The following ABCB5 variants were observed in gnomAD, a reference collection of about 807,000 sequenced individuals.
ABCB5 encodes the protein ATP binding cassette subfamily B member 5.
In ABCB5, 155 loss-of-function variants were observed where a neutral mutation model predicts 144.2. The observed-to-expected ratio is 1.08, with a 90% CI of 0.94 to 1.23. The LOEUF (loss-of-function observed/expected upper bound fraction) is 1.23. ABCB5 is among the 50% of genes most tolerant of loss of function. The pLI, the probability that ABCB5 is intolerant of heterozygous loss-of-function variation, is 0.00. For missense variants in ABCB5, 1,830 were observed against 1,520.8 expected (o/e 1.20, Z -3.38); for synonymous variants, 610 against 528.6 (o/e 1.15, Z -2.11).
chr7:20,754,589 T>G (rs1783027719), intron 27 of ABCB5, among the ~76,000 whole-genome samples: 1 of 152,242 alleles, frequency 6.6e-6, no homozygotes, highest in African/African-American at 2.4e-5. Flanking sequence ...ATAACCTCAC[T>G]GTTGGCTGAA....
At chr7:20,723,265 ACAGT>A (rs1486435601) in intron 21 of ABCB5, 46 bp downstream of exon 21, 8 of 1,570,592 alleles carry the variant, frequency 5.1e-6, no homozygotes, top group South Asian at 2.2e-5. Flanking sequence ...AAAGAGAAAA[ACAGT>A]CAGAACTTTA....
chr7:20,646,187 A>T, intron 9 of ABCB5, 49 bp downstream of exon 9: 1 of 1,544,926 alleles, frequency 6.5e-7, no homozygotes, highest in Non-Finnish European at 8.7e-7. Context: ...ATCTTTCCTT[A>T]CCTAGTTTAG....
chr7:20,617,064 CCT>C (rs1783702001), intron 1 of ABCB5, among the ~76,000 whole-genome samples: 1 of 152,042 alleles, frequency 6.6e-6, no homozygotes, highest in African/African-American at 2.4e-5. Flanking sequence ...ATAAAATTAC[CCT>C]GTTTTAATTA....
intron 14 of ABCB5, among the ~76,000 whole-genome samples, chr7:20,669,737 A>AAG (rs1554282929): frequency 9.4e-4 from 104 of 110,340 alleles, no homozygotes; most frequent in African/African-American, 3.7e-3. Flanking sequence ...AAAAAAAAAA[A>AAG]AAAAAAGAAA....
intron 4 of ABCB5, among the ~76,000 whole-genome samples, chr7:20,629,629 G>C (rs551838198): frequency 1.3e-5 from 2 of 152,234 alleles, no homozygotes; most frequent in South Asian, 4.2e-4. Flanking sequence ...AGCCATGGTA[G>C]CAGGTGCCTG....
At chr7:20,711,794 T>TCCCTCTC (rs1562573624) in intron 20 of ABCB5, among the ~76,000 whole-genome samples, 1 of 85,678 alleles carries the variant, frequency 1.2e-5, no homozygotes. Context: ...CTTTCTTTCT[T>TCCCTCTC]TCTTTCTTTC....
Position 20,723,037 on chromosome 7 carries a change from G to C in ABCB5, c.2443G>C (p.Val815Leu). ...IQGATGSRIG[V>L]LTQNATNMGL... ...ATAGGCAACAGGTTCCAGGATTGGC[G>C]TCTTAACACAAAATGCAACTAACAT... Residue 815 changes from valine to leucine, a missense_variant, in exon 21 of 28, where the codon GTC (valine) becomes CTC (leucine). Transcript: ENST00000404938. 1 of 1,614,000 alleles carries C rather than the reference G, an allele frequency of 6.2e-7. No homozygotes were observed.
At position 20,754,042 on chromosome 7, in the gene ABCB5, T is replaced by C. The variant is rs1783010867; in HGVS notation, c.3576+536T>C. On this transcript the variant is annotated intron_variant, in intron 27 of 27. Transcript: ENST00000404938. ...TTGCTATGTCCTTATCCCTTAGGAGTTTCTTGCACATGTAGGCACTTATTT... is the reference window on the plus strand; with the variant it reads ...TTGCTATGTCCTTATCCCTTAGGAGCTTCTTGCACATGTAGGCACTTATTT... 2.0e-5 allele frequency among the ~76,000 whole-genome samples: 3 copies of C among 152,192 alleles called. No individual in the cohort carries two copies. In the South Asian group the frequency reaches 6.3e-4, roughly 32 times the overall value.
intron 10 of ABCB5, 144 bp from the exon 11 acceptor site, chr7:20,647,824 G>A (rs1784456122): frequency 8.6e-7 from 1 of 1,164,308 alleles, no homozygotes. Flanking sequence ...GTGTTGTATT[G>A]AAACCTTCAT....
chr7:20,623,227 C>G (rs1372859898), intron 1 of ABCB5, 38 bp from the exon 2 acceptor site: 1 of 1,192,260 alleles, frequency 8.4e-7, no homozygotes, highest in African/African-American at 1.5e-5. Context: ...TGATAAAAGT[C>G]ACATAGCCAT....
At chr7:20,619,759 T>A (rs1216035999) in intron 1 of ABCB5, among the ~76,000 whole-genome samples, 3 of 152,210 alleles carry the variant, frequency 2.0e-5, no homozygotes, top group African/African-American at 7.2e-5. Context: ...CCAAGGCCGA[T>A]GACAACAAGG....
chr7:20,665,300 T>G (rs1271209665), intron 14 of ABCB5, among the ~76,000 whole-genome samples: 2 of 152,158 alleles, frequency 1.3e-5, no homozygotes, highest in South Asian at 4.1e-4. Context: ...TTGCTATTTG[T>G]CATCCCCCTT....
chr7:20,653,838 G>C (rs1784681473), intron 13 of ABCB5, among the ~76,000 whole-genome samples: 1 of 152,236 alleles, frequency 6.6e-6, no homozygotes, highest in Non-Finnish European at 1.5e-5. Context: ...CGGAACACTG[G>C]ATAGAAGTCA....
At chr7:20,621,231 T>C (rs1299029647) in intron 1 of ABCB5, among the ~76,000 whole-genome samples, 1 of 151,946 alleles carries the variant, frequency 6.6e-6, no homozygotes, top group Non-Finnish European at 1.5e-5. Flanking sequence ...AGACTGCCAG[T>C]AGGAGATAAC....
chr7:20,748,476 C>A (rs1236322816), intron 26 of ABCB5, among the ~76,000 whole-genome samples: 1 of 151,836 alleles, frequency 6.6e-6, no homozygotes, highest in Non-Finnish European at 1.5e-5. Context: ...ATGGTGAAAC[C>A]CTGTCTTTAC....
rs183873537 is a variant in ABCB5 at position 20,622,809 on chromosome 7, T to C, written c.-21-456T>C. ...TCCAGTTTGTGAAAGCTCCAAACTTTGTTTGTTTCGTAAACTAGAAAACCC... is the reference window on the plus strand; with the variant it reads ...TCCAGTTTGTGAAAGCTCCAAACTTCGTTTGTTTCGTAAACTAGAAAACCC... On this transcript the variant is annotated intron_variant, in intron 1 of 27. Coordinates refer to ENST00000404938, the MANE Select transcript of ABCB5 (RefSeq NM_001163941.2). Among the ~76,000 whole-genome samples the C allele has an allele frequency of 3.0e-3, 463 of 152,234 alleles. 11 individuals carry two copies. Among genetic ancestry groups the C allele is most frequent in the Admixed American group, 0.028 (426 of 15,290 alleles).
At chr7:20,686,615 AC>A (rs1358125076) in intron 16 of ABCB5, among the ~76,000 whole-genome samples, 1 of 151,898 alleles carries the variant, frequency 6.6e-6, no homozygotes, top group South Asian at 2.1e-4. Context: ...CTCTTCCCAA[AC>A]CCAGTCGACC....
intron 16 of ABCB5, among the ~76,000 whole-genome samples, chr7:20,689,005 A>C (rs12538220): frequency 0.28 from 41,815 of 151,810 alleles, 5,978 homozygotes; most frequent in Middle Eastern, 0.38. Context: ...ATTAGGAGAT[A>C]TACCTAAGGT....
In ABCB5 at chr7:20,755,629, G is replaced by A; in HGVS notation, c.*5G>A. On this transcript the variant is annotated 3_prime_UTR_variant, in exon 28 of 28. Coordinates refer to ENST00000404938, the MANE Select transcript of ABCB5 (RefSeq NM_001163941.2). ...AATGCACAGTCAGTGCAGTGATGCTGTTGAGGTAGCACATATTTTGATGTT... is the reference window on the plus strand; with the variant it reads ...AATGCACAGTCAGTGCAGTGATGCTATTGAGGTAGCACATATTTTGATGTT... 1 of 1,613,402 alleles carries A rather than the reference G, an allele frequency of 6.2e-7. No homozygotes were observed. The highest frequency in any genetic ancestry group is 1.7e-4 in the Middle Eastern group (1 of 5,772).
Sources: gnomAD v4.1 joint callset for allele counts (sites outside exome capture counted in the v4.1 genomes callset) on GRCh38, gnomAD v4.1.1 for gene constraint, MANE v1.5 for transcripts, NCBI Gene and HGNC (gene_info 2026-07-23, HGNC 2026-07-21) for gene names.